Variants in NEK3 observed in about 807,000 individuals in gnomAD.
NEK3 encodes the protein NIMA related kinase 3.
In NEK3, 54 loss-of-function variants were observed where a neutral mutation model predicts 66.0. The ratio of observed to expected loss-of-function variants is 0.82; its 90% CI spans 0.66 to 1.03. The LOEUF is 1.03. Among genes scored for constraint, NEK3 ranks in the 50% least tolerant of loss-of-function variants. NEK3 has a pLI of 0.00. For synonymous variants in NEK3, 200 were observed against 206.2 expected, an observed-to-expected ratio of 0.97 and a Z score of 0.26; for missense variants, 593 against 603.0, an observed-to-expected ratio of 0.98 and a Z score of 0.17.
intron 10 of NEK3, among the ~76,000 whole-genome samples, chr13:52,141,791 C>G (rs1190430141): frequency 6.6e-6 from 1 of 151,890 alleles, no homozygotes; most frequent in Non-Finnish European, 1.5e-5. Context: ...TAACACTATA[C>G]TTTTTTGGCC....
intron 2 of NEK3, among the ~76,000 whole-genome samples, 153 bp downstream of exon 2, chr13:52,155,922 G>A (rs935736636): frequency 4.6e-5 from 7 of 151,884 alleles, no homozygotes; most frequent in South Asian, 4.2e-4. Flanking sequence ...ACCTCAGGCC[G>A]GTCTCAAACT....
At chr13:52,159,726 G>T (rs1447193805), upstream of NEK3, 1 of 152,228 alleles carries the variant, frequency 6.6e-6, no homozygotes, top group Admixed American at 6.5e-5. Flanking sequence ...TCCACGTTGC[G>T]GTGGAACAGT....
rs764846559 is a variant in NEK3 at position 52,136,221 on chromosome 13, TTGG to T, written c.1066_1068del (p.Pro356del). ...TTCTCCCACTGTCGTCTATGAAGATTTGGTGAACTGGCTTTCCTCAGATGGACT... is the reference window on the plus strand; with the variant it reads ...TTCTCCCACTGTCGTCTATGAAGATTTGAACTGGCTTTCCTCAGATGGACT... On this transcript the variant is annotated inframe_deletion, in exon 13 of 16. Transcript: ENST00000610828. The T allele has an allele frequency of 5.7e-5, 92 of 1,613,838 alleles. No homozygotes were observed. In the Middle Eastern group the frequency reaches 1.7e-3, roughly 29 times the overall value.
chr13:52,144,640 T>C (rs1956278259), intron 9 of NEK3, 51 bp downstream of exon 9: 1 of 1,444,744 alleles, frequency 6.9e-7, no homozygotes, highest in Non-Finnish European at 9.7e-7. Flanking sequence ...TAACAAACCA[T>C]TTTACCATAC....
chr13:52,143,156 A>T (rs1956264866), intron 10 of NEK3, among the ~76,000 whole-genome samples: 1 of 152,076 alleles, frequency 6.6e-6, no homozygotes, highest in African/African-American at 2.4e-5. Flanking sequence ...ATCTCTACTA[A>T]ATTCAAAAAA....
intron 1 of NEK3, chr13:52,156,810 GC>G (rs1358818977): frequency 6.6e-6 from 1 of 152,002 alleles, no homozygotes; most frequent in African/African-American, 2.4e-5. Flanking sequence ...ATTTTGCAGG[GC>G]CCAGCTACTG....
intron 10 of NEK3, among the ~76,000 whole-genome samples, chr13:52,141,549 C>A (rs1319770622): frequency 6.6e-6 from 1 of 152,142 alleles, no homozygotes; most frequent in African/African-American, 2.4e-5. Flanking sequence ...GTAGGAATGG[C>A]TATGCCTCAT....
chr13:52,156,821 G>A (rs1382983031), intron 1 of NEK3: 1 of 152,160 alleles, frequency 6.6e-6, no homozygotes, highest in African/African-American at 2.4e-5. Flanking sequence ...CCCAGCTACT[G>A]AACCTAAGAG....
chr13:52,154,090 T>C lies in NEK3; in HGVS notation c.201A>G (p.Glu67=), dbSNP rs1262920635. ...MKHPNIVAFK[E]SFEAEGHLYI... is the part of the protein sequence containing the mutation. Reference sequence around the variant, plus strand: ...GGAATTCGTATTTACCTTCAAATGATTCTTTGAAGGCAACAATATTAGGGT... The same window carrying C: ...GGAATTCGTATTTACCTTCAAATGACTCTTTGAAGGCAACAATATTAGGGT... The change falls in exon 3 of 16, where the codon GAA becomes GAG. Residue 67 remains glutamate (E), a synonymous_variant. Transcript: ENST00000610828. 1.2e-6 allele frequency: 2 copies of C among 1,611,290 alleles called. No individual in the cohort carries two copies. The highest frequency in any genetic ancestry group is 4.5e-5 in the East Asian group (2 of 44,756).
At chr13:52,148,245 T>C in intron 8 of NEK3, 170 bp downstream of exon 8, 1 of 486,372 alleles carries the variant, frequency 2.1e-6, no homozygotes, top group Non-Finnish European at 3.7e-6. Flanking sequence ...AATTTCCTAT[T>C]AGTATATGCT....
In NEK3 at chr13:52,145,148, T is replaced by A. The variant is rs181759880; in HGVS notation, c.604-257A>T. On this transcript the variant is annotated intron_variant, in intron 8 of 15. Transcript: ENST00000610828. The stretch of plus-strand genomic sequence containing the variant: ...GCTGTGACTACCTTATTAGTCCTAA[T>A]GTTTTTTGCAGATATACATTATTAA... 6.2e-4 allele frequency among the ~76,000 whole-genome samples: 94 copies of A among 152,304 alleles called. 1 individual carries two copies. Among genetic ancestry groups the A allele is most frequent in the East Asian group, 3.9e-4 (2 of 5,182 alleles).
intron 11 of NEK3, among the ~76,000 whole-genome samples, chr13:52,140,214 CAAAA>C (rs397851494): frequency 2.6e-5 from 2 of 76,822 alleles, no homozygotes; most frequent in Non-Finnish European, 2.4e-5. Context: ...GACCCTATCT[CAAAA>C]AAAAAAAAAA....
intron 4 of NEK3, 114 bp downstream of exon 4, chr13:52,153,781 T>C (rs1353220466): frequency 5.6e-6 from 4 of 708,652 alleles, no homozygotes; most frequent in Non-Finnish European, 9.5e-6. Context: ...CAGTCATTTC[T>C]ATCTACCTTC....
In NEK3 at chr13:52,146,548, G is replaced by A. The variant is rs529016702; in HGVS notation, c.604-1657C>T. On this transcript the variant is annotated intron_variant, in intron 8 of 15. Coordinates refer to ENST00000610828, the MANE Select transcript of NEK3 (RefSeq NM_002498.3). ...AGAAGAACGTATACATGTAAATTAT[G>A]AAAAAGATACATCAGGAAGTAAAGA... Among the ~76,000 whole-genome samples, 4 of 152,310 alleles carry A rather than the reference G, an allele frequency of 2.6e-5. No individual in the cohort carries two copies. In the South Asian group the frequency reaches 8.3e-4, roughly 32 times the overall value.
intron 9 of NEK3, 38 bp downstream of exon 9, chr13:52,144,653 T>C: frequency 6.4e-7 from 1 of 1,554,632 alleles, no homozygotes; most frequent in Non-Finnish European, 8.9e-7. Flanking sequence ...TACCATACAC[T>C]TGAAAACTGT....
At position 52,135,736 on chromosome 13, in the gene NEK3, A is replaced by G. The variant is rs780632910; in HGVS notation, c.1302T>C (p.Tyr434=). 5.0e-6 allele frequency: 8 copies of G among 1,612,474 alleles called. No individual in the cohort carries two copies. Among genetic ancestry groups the G allele is most frequent in the Middle Eastern group, 1.6e-4 (1 of 6,074 alleles). The change falls in exon 14 of 16, where the codon TAT becomes TAC. Residue 434 remains tyrosine, a synonymous_variant. Coordinates refer to ENST00000610828, the MANE Select transcript of NEK3 (RefSeq NM_002498.3). ...LSLAFQTYTI[Y]RPGSEGFLKG... ...CATACAGACATGAATTACCTGGTCT[A>G]TATATTGTGTATGTTTGAAAAGCCA...
chr13:52,133,895 A>C (rs984239293), intron 14 of NEK3, 80 bp from the exon 15 acceptor site: 2 of 1,412,810 alleles, frequency 1.4e-6, no homozygotes, highest in Non-Finnish European at 1.9e-6. Context: ...AATCCTCCGT[A>C]AGCTTGCTGG....
At chr13:52,141,758 C>CT (rs66806856) in intron 10 of NEK3, among the ~76,000 whole-genome samples, 80,971 of 151,562 alleles carry the variant, frequency 0.53, 23,419 homozygotes, top group Middle Eastern at 0.66. Flanking sequence ...TCTCTAACTA[C>CT]TTATTCCTCT....
At chr13:52,136,996 A>T in intron 11 of NEK3, 94 bp from the exon 12 acceptor site, 1 of 769,398 alleles carries the variant, frequency 1.3e-6, no homozygotes, top group South Asian at 2.2e-5. Flanking sequence ...AATTTCAAAT[A>T]AAAATTAATG....
Sources: allele counts gnomAD v4.1 joint callset (sites outside exome capture counted in the v4.1 genomes callset), GRCh38; gene constraint gnomAD v4.1.1; transcripts MANE v1.5; gene names NCBI Gene and HGNC (gene_info 2026-07-23, HGNC 2026-07-21).